The following LARGE1 variants were observed in gnomAD, a reference collection of about 807,000 sequenced individuals.
The protein encoded by LARGE1 is xylosyl- and glucuronyltransferase LARGE1.
LARGE1 carries 43 observed loss-of-function variants against 87.6 expected under a neutral mutation model. The ratio of observed to expected loss-of-function variants is 0.49; its 90% CI spans 0.38 to 0.63. The LOEUF is 0.63. Among genes scored for constraint, LARGE1 ranks in the 30% least tolerant of loss-of-function variants. LARGE1 has a pLI of 0.00. For synonymous variants in LARGE1, 434 were observed against 394.6 expected, an observed-to-expected ratio of 1.10 and a Z score of -1.18; for missense variants, 802 against 1,000.2, an observed-to-expected ratio of 0.80 and a Z score of 2.67.
chr22:33,098,002 C>T, the LARGE1 span, among the ~76,000 whole-genome samples: 2 of 152,148 alleles, frequency 1.3e-5, no homozygotes, highest in Non-Finnish European at 2.9e-5. Flanking sequence ...TGAGGCCATA[C>T]AAATAAGCTA....
intron 11 of LARGE1, among the ~76,000 whole-genome samples, chr22:33,195,687 TA>T (rs1415988498): frequency 6.6e-6 from 1 of 151,672 alleles, no homozygotes; most frequent in Non-Finnish European, 1.5e-5. Context: ...CTTAAAGAAA[TA>T]TTTATGACAC....
At chr22:33,754,455 C>G (rs1300613474) in intron 2 of LARGE1, among the ~76,000 whole-genome samples, 1 of 151,944 alleles carries the variant, frequency 6.6e-6, no homozygotes, top group African/African-American at 2.4e-5. Flanking sequence ...CCTGCCCCAG[C>G]CTCCCAAGTA....
intron 7 of LARGE1, among the ~76,000 whole-genome samples, chr22:33,419,502 C>T (rs1270557291): frequency 1.3e-5 from 2 of 152,118 alleles, no homozygotes; most frequent in Non-Finnish European, 2.9e-5. Context: ...CTCATTCCAG[C>T]TCTCAGCATG....
chr22:33,635,640 A>AC (rs1298189990), intron 3 of LARGE1, among the ~76,000 whole-genome samples: 1 of 152,184 alleles, frequency 6.6e-6, no homozygotes, highest in African/African-American at 2.4e-5. Context: ...TGGTTAAGTA[A>AC]CTTGCCCAAG....
intron 2 of LARGE1, among the ~76,000 whole-genome samples, chr22:33,676,647 T>C (rs985957082): frequency 1.6e-4 from 25 of 151,684 alleles, no homozygotes; most frequent in African/African-American, 5.3e-4. Flanking sequence ...TAGAAGAACA[T>C]TGTATTAATT....
chr22:33,335,859 G>A (rs1013286083), intron 10 of LARGE1, among the ~76,000 whole-genome samples: 3 of 152,202 alleles, frequency 2.0e-5, no homozygotes, highest in Non-Finnish European at 4.4e-5. Context: ...CAGTGGAGCT[G>A]CTCACTAATA....
chr22:33,791,694 T>C (rs768814980), intron 1 of LARGE1, among the ~76,000 whole-genome samples: 2 of 152,228 alleles, frequency 1.3e-5, no homozygotes, highest in South Asian at 4.1e-4. Context: ...GATTATTATA[T>C]AGAAATCATT....
chr22:33,156,827 T>A, the LARGE1 span, among the ~76,000 whole-genome samples: 87 of 152,284 alleles, frequency 5.7e-4, no homozygotes, highest in African/African-American at 2.1e-3. Context: ...ACTCCCGCAA[T>A]TCCAATGTGT....
chr22:33,891,892 TA>T (rs1407625262), intron 1 of LARGE1, among the ~76,000 whole-genome samples: 1 of 152,248 alleles, frequency 6.6e-6, no homozygotes, highest in Non-Finnish European at 1.5e-5. Flanking sequence ...CACATATTTT[TA>T]ACTCAAAATC....
At chr22:33,696,952 T>A (rs1294499154) in intron 2 of LARGE1, among the ~76,000 whole-genome samples, 1 of 152,158 alleles carries the variant, frequency 6.6e-6, no homozygotes, top group Admixed American at 6.5e-5. Context: ...CTCTCTCATT[T>A]ACAATAGGAT....
At chr22:33,679,825 A>G (rs1395465513) in intron 2 of LARGE1, among the ~76,000 whole-genome samples, 1 of 152,100 alleles carries the variant, frequency 6.6e-6, no homozygotes, top group Non-Finnish European at 1.5e-5. Flanking sequence ...CTGGGCAACA[A>G]GAGCGAAACT....
At chr22:33,182,810 C>T (rs1451524130) in intron 11 of LARGE1, among the ~76,000 whole-genome samples, 1 of 152,128 alleles carries the variant, frequency 6.6e-6, no homozygotes, top group Non-Finnish European at 1.5e-5. Context: ...ATACAAAAGT[C>T]AACTCAATGG....
intron 6 of LARGE1, among the ~76,000 whole-genome samples, chr22:33,499,203 T>C (rs1257141682): frequency 6.6e-6 from 1 of 152,070 alleles, no homozygotes; most frequent in African/African-American, 2.4e-5. Flanking sequence ...GCCCAGGGCT[T>C]TCTGCCCTGA....
Position 33,761,490 on chromosome 22 carries a change from G to T in LARGE1, c.-14C>A. ...GATTCCCAGCATCCTCTCAGAAGTG[G>T]CAATCCCTAATCCCAGCGCCGTTTC... On this transcript the variant is annotated 5_prime_UTR_variant, in exon 2 of 15. Coordinates refer to ENST00000397394, the MANE Select transcript of LARGE1 (RefSeq NM_133642.5). 1.9e-6 allele frequency: 3 copies of T among 1,601,924 alleles called. No homozygotes were observed. The highest frequency in any genetic ancestry group is 2.6e-6 in the Non-Finnish European group (3 of 1,169,104).
chr22:33,299,579 T>G (rs997526059), intron 12 of LARGE1, among the ~76,000 whole-genome samples: 1 of 152,174 alleles, frequency 6.6e-6, no homozygotes, highest in Non-Finnish European at 1.5e-5. Context: ...GGGGGTTGGG[T>G]TGGGGCAGGG....
intron 7 of LARGE1, among the ~76,000 whole-genome samples, chr22:33,426,598 T>A (rs2066887833): frequency 6.6e-6 from 1 of 152,228 alleles, no homozygotes; most frequent in South Asian, 2.1e-4. Flanking sequence ...TATCAAATGT[T>A]TTCTCCTTTT....
chr22:33,110,718 A>G, the LARGE1 span: 7 of 152,340 alleles, frequency 4.6e-5, no homozygotes, highest in South Asian at 2.1e-4. Flanking sequence ...CTACTCCCCA[A>G]TCCGTGCCTT....
intron 4 of LARGE1, among the ~76,000 whole-genome samples, chr22:33,625,476 C>T (rs996243950): frequency 2.6e-5 from 4 of 152,168 alleles, no homozygotes; most frequent in African/African-American, 4.8e-5. Context: ...GGAGATCATC[C>T]GCAGGTTGGG....
chr22:33,410,062 T>C (rs1015072526), intron 7 of LARGE1, among the ~76,000 whole-genome samples: 2 of 152,048 alleles, frequency 1.3e-5, no homozygotes, highest in Non-Finnish European at 2.9e-5. Flanking sequence ...CTGTCCAGTA[T>C]ATAGGGATCA....
Sources: gnomAD v4.1 joint callset for allele counts (sites outside exome capture counted in the v4.1 genomes callset) on GRCh38, gnomAD v4.1.1 for gene constraint, MANE v1.5 for transcripts, NCBI Gene and HGNC (gene_info 2026-07-23, HGNC 2026-07-21) for gene names.